The following KAZN variants were observed in gnomAD, a reference collection of about 807,000 sequenced individuals.
The protein encoded by KAZN is kazrin.
In KAZN, 40 loss-of-function variants were observed where a neutral mutation model predicts 87.4. The ratio of observed to expected loss-of-function variants is 0.46; its 90% CI spans 0.36 to 0.60. The LOEUF (loss-of-function observed/expected upper bound fraction) is 0.60. Ranked by LOEUF, KAZN falls within the 20% of genes least tolerant of loss-of-function variation. KAZN has a pLI of 0.00. For missense variants in KAZN, 898 were observed against 1,073.9 expected, an observed-to-expected ratio of 0.84 and a Z score of 2.29; for synonymous variants, 466 against 458.3, an observed-to-expected ratio of 1.02 and a Z score of -0.22.
At chr1:14,398,767 G>A (rs1192794142) in intron 2 of KAZN, among the ~76,000 whole-genome samples, 2 of 152,334 alleles carry the variant, frequency 1.3e-5, no homozygotes, top group South Asian at 2.1e-4. Flanking sequence ...TGATGGGAGA[G>A]AGAATGGCTA....
chr1:14,444,400 C>A (rs1344133224), intron 2 of KAZN, among the ~76,000 whole-genome samples: 1 of 150,404 alleles, frequency 6.6e-6, no homozygotes, highest in East Asian at 2.0e-4. Flanking sequence ...GCAACCTCCA[C>A]CTCCCAGGTC....
rs532614846 is a variant in KAZN at position 14,604,309 on chromosome 1, G to A, written c.226+5086G>A. Among the ~76,000 whole-genome samples, 429 of 152,250 alleles carry A rather than the reference G, an allele frequency of 2.8e-3. 2 individuals carry two copies. The highest frequency in any genetic ancestry group is 5.1e-3 in the Non-Finnish European group (345 of 68,022). On this transcript the variant is annotated intron_variant, in intron 1 of 14. Coordinates refer to ENST00000376030, the MANE Select transcript of KAZN (RefSeq NM_201628.3). ...CATCTTTCCCGAAGCCAACAGGGTG[G>A]CCATCCACAGGGGCAGATCATACCT...
At chr1:14,299,872 A>C (rs1180401230) in intron 2 of KAZN, among the ~76,000 whole-genome samples, 4 of 152,222 alleles carry the variant, frequency 2.6e-5, no homozygotes, top group Non-Finnish European at 2.9e-5. Context: ...GTGTACAGGG[A>C]AAGGAGAGAA....
intron 2 of KAZN, among the ~76,000 whole-genome samples, chr1:14,247,070 T>A (rs953263423): frequency 2.6e-5 from 4 of 152,182 alleles, no homozygotes; most frequent in Non-Finnish European, 5.9e-5. Context: ...TTAATTACTT[T>A]CCTAATCTAG....
At chr1:14,635,697 G>A (rs1482984032) in intron 1 of KAZN, among the ~76,000 whole-genome samples, 1 of 152,236 alleles carries the variant, frequency 6.6e-6, no homozygotes, top group Non-Finnish European at 1.5e-5. Flanking sequence ...TTCAGGTATA[G>A]CGATCTGTGT....
chr1:14,141,858 T>A (rs561743667), intron 1 of KAZN, among the ~76,000 whole-genome samples: 4 of 152,322 alleles, frequency 2.6e-5, no homozygotes, highest in Admixed American at 2.6e-4. Context: ...TACTGCATGT[T>A]CCAATGTCTC....
At chr1:14,866,796 G>T (rs919758956) in intron 1 of KAZN, among the ~76,000 whole-genome samples, 1 of 152,100 alleles carries the variant, frequency 6.6e-6, no homozygotes, top group South Asian at 2.1e-4. Context: ...GAATCCAAAG[G>T]TCCTTCCAGC....
intron 1 of KAZN, among the ~76,000 whole-genome samples, chr1:14,703,599 T>C (rs909131645): frequency 2.6e-5 from 4 of 152,226 alleles, no homozygotes; most frequent in African/African-American, 7.2e-5. Context: ...TATGTCTTTA[T>C]TAGCAGCATG....
intron 1 of KAZN, among the ~76,000 whole-genome samples, chr1:14,015,459 CTTTTTTTTTTTTTTTTTTTTTTTTTT>C (rs70987713): frequency 4.0e-5 from 1 of 25,066 alleles, no homozygotes; most frequent in Non-Finnish European, 8.5e-5. Flanking sequence ...GTTACATCTA[CTTTTTTTTTTTTTTTTTTTTTTTTTT>C]TTTTTTTTTT....
chr1:14,492,742 C>CAT (rs1669736061), intron 2 of KAZN, among the ~76,000 whole-genome samples: 1 of 121,962 alleles, frequency 8.2e-6, no homozygotes, highest in African/African-American at 3.2e-5. Flanking sequence ...ATACAGCACA[C>CAT]ACACCACATG....
chr1:14,682,101 A>T (rs1247701780), intron 1 of KAZN, among the ~76,000 whole-genome samples: 1 of 151,996 alleles, frequency 6.6e-6, no homozygotes, highest in Non-Finnish European at 1.5e-5. Flanking sequence ...AAGAGCAGCT[A>T]TCCCCATTAA....
chr1:14,004,716 T>A (rs565227030), intron 1 of KAZN, among the ~76,000 whole-genome samples: 1 of 151,800 alleles, frequency 6.6e-6, no homozygotes, highest in African/African-American at 2.4e-5. Flanking sequence ...GTGTTTGCTA[T>A]GGTTTGAATG....
intron 1 of KAZN, among the ~76,000 whole-genome samples, chr1:14,930,969 C>T (rs1237607227): frequency 6.6e-6 from 1 of 152,130 alleles, no homozygotes; most frequent in Non-Finnish European, 1.5e-5. Context: ...GAGACTCCCC[C>T]GCCACAACCA....
intron 1 of KAZN, among the ~76,000 whole-genome samples, chr1:14,722,675 T>G (rs1214701407): frequency 6.6e-6 from 1 of 152,194 alleles, no homozygotes; most frequent in African/African-American, 2.4e-5. Flanking sequence ...ATTTCAAACA[T>G]GCAGGGAAGT....
At chr1:13,937,287 G>A (rs1053024174) in intron 1 of KAZN, among the ~76,000 whole-genome samples, 10 of 152,144 alleles carry the variant, frequency 6.6e-5, no homozygotes, top group Admixed American at 3.3e-4. Context: ...CTCGTGATCC[G>A]CCTGCCTTGG....
intron 2 of KAZN, among the ~76,000 whole-genome samples, chr1:15,028,692 G>A (rs1671405646): frequency 1.3e-5 from 2 of 152,152 alleles, no homozygotes; most frequent in Non-Finnish European, 2.9e-5. Flanking sequence ...ATTTGTAGTT[G>A]TTCTTCACCT....
chr1:15,031,153 C>T (rs1160924762), intron 2 of KAZN, among the ~76,000 whole-genome samples: 1 of 152,228 alleles, frequency 6.6e-6, no homozygotes, highest in Non-Finnish European at 1.5e-5. Context: ...TGGGGACCCT[C>T]CAGGTTTAGG....
intron 2 of KAZN, among the ~76,000 whole-genome samples, chr1:14,449,295 CT>C (rs1667139754): frequency 6.6e-6 from 1 of 152,196 alleles, no homozygotes; most frequent in Non-Finnish European, 1.5e-5. Context: ...GGAATGGCTG[CT>C]GGCCATCCTG....
chr1:15,014,795 G>A (rs1427189520), intron 2 of KAZN, among the ~76,000 whole-genome samples: 4 of 152,174 alleles, frequency 2.6e-5, no homozygotes, highest in African/African-American at 9.7e-5. Flanking sequence ...CAATTCTAAA[G>A]GGATGGTCAG....
Sources: gnomAD v4.1 joint callset for allele counts (sites outside exome capture counted in the v4.1 genomes callset) on GRCh38, gnomAD v4.1.1 for gene constraint, MANE v1.5 for transcripts, NCBI Gene and HGNC (gene_info 2026-07-23, HGNC 2026-07-21) for gene names.